The following PDE8B variants were observed in gnomAD, a reference collection of about 807,000 sequenced individuals.
The protein encoded by PDE8B is high affinity cAMP-specific and IBMX-insensitive 3',5'-cyclic phosphodiesterase 8B.
PDE8B carries 26 observed loss-of-function variants against 101.3 expected under a neutral mutation model. The ratio of observed to expected loss-of-function variants is 0.26; its 90% CI spans 0.19 to 0.36. The LOEUF (loss-of-function observed/expected upper bound fraction) is 0.36. Ranked by LOEUF, PDE8B falls within the 10% of genes least tolerant of loss-of-function variation. PDE8B has a pLI of 1.00. For synonymous variants in PDE8B, 424 were observed against 429.3 expected (o/e 0.99, Z 0.15); for missense variants, 810 against 1,163.1 (o/e 0.70, Z 4.42).
intron 10 of PDE8B, among the ~76,000 whole-genome samples, chr5:77,362,169 C>T (rs1783223429): frequency 6.6e-6 from 1 of 152,128 alleles, no homozygotes; most frequent in African/African-American, 2.4e-5. Flanking sequence ...ATGGGCAAGG[C>T]TATGTTCTAA....
At chr5:77,337,184 G>A in intron 5 of PDE8B, 43 bp from the exon 6 acceptor site, 3 of 1,065,680 alleles carry the variant, frequency 2.8e-6, no homozygotes, top group Non-Finnish European at 4.3e-6. Context: ...TCTCTAAGAA[G>A]TAATTATATA....
rs1561350410 is a variant in PDE8B at position 77,211,282 on chromosome 5, G to A, written c.339+18G>A. On this transcript the variant is annotated intron_variant, in intron 1 of 21. Transcript: ENST00000264917. The surrounding 1 kb of genome is among the most constrained non-coding windows in gnomAD (Gnocchi z 4.1). Reference sequence around the variant, plus strand: ...GCGTGAAGGTAAATGCCCCGCGCTGGCACACGCCGTGGGGGCCGTCCGCCC... The same window carrying A: ...GCGTGAAGGTAAATGCCCCGCGCTGACACACGCCGTGGGGGCCGTCCGCCC... 6.5e-7 allele frequency: 1 copy of A among 1,540,270 alleles called. No individual in the cohort carries two copies. Among genetic ancestry groups the A allele is most frequent in the African/African-American group, 1.4e-5 (1 of 72,150 alleles).
chr5:77,351,075 G>A lies in PDE8B; in HGVS notation c.1028G>A (p.Gly343Glu). ...TCIKKGKEWQ[G>E]VYYARRKSGD... ...TCTTTGTCCATGTAGGAGTGGCAGG[G>A]GGTTTACTATGCCAGACGGAAATCC... Residue 343 changes from glycine (G) to glutamate (E), a missense_variant, in exon 9 of 22, where the codon GGG (glycine) becomes GAG (glutamate). Physicochemically the swap from Gly to Glu is moderately conservative, Grantham distance 98. This residue lies in a region of PDE8B where 251 missense variants were observed against 378.8 expected (regional missense o/e 0.66). Transcript: ENST00000264917. The A allele has an allele frequency of 1.2e-6, 2 of 1,613,602 alleles. No homozygotes were observed. Among genetic ancestry groups the A allele is most frequent in the Non-Finnish European group, 1.7e-6 (2 of 1,179,502 alleles).
At chr5:77,093,519 G>A in the PDE8B span, among the ~76,000 whole-genome samples, 2 of 152,108 alleles carry the variant, frequency 1.3e-5, no homozygotes, top group Admixed American at 6.6e-5. Flanking sequence ...GAGCACAGTG[G>A]TTTTGGCACC....
intron 1 of PDE8B, among the ~76,000 whole-genome samples, chr5:77,263,884 C>A (rs1028277529): frequency 6.6e-6 from 1 of 152,150 alleles, no homozygotes; most frequent in Non-Finnish European, 1.5e-5. Context: ...AATTTTAGAA[C>A]ATTCTTACCA....
chr5:77,227,674 A>G (rs142884363), intron 1 of PDE8B, among the ~76,000 whole-genome samples: 79 of 152,312 alleles, frequency 5.2e-4, no homozygotes, highest in Non-Finnish European at 9.0e-4. Context: ...GCCACGCAGA[A>G]TGGAAGACAG....
Position 77,399,782 on chromosome 5 carries a change from T to A in PDE8B, c.1168-466T>A, listed in dbSNP as rs1275969791. ...GAGAAAACATTTTATAAATTGTCTA[T>A]AATTGAGCATTTGAAGAGCTTTGTA... On this transcript the variant is annotated intron_variant, in intron 10 of 21. Coordinates refer to ENST00000264917, the MANE Select transcript of PDE8B (RefSeq NM_003719.5). Among the ~76,000 whole-genome samples the A allele has an allele frequency of 2.0e-5, 3 of 152,262 alleles. No individual in the cohort carries two copies. In the East Asian group the frequency reaches 5.8e-4, roughly 29 times the overall value.
rs70988667 is a variant in PDE8B at position 77,369,203 on chromosome 5, C to CAAA, written c.1167+15817_1167+15819dup. 8.1e-3 allele frequency among the ~76,000 whole-genome samples: 637 copies of CAAA among 78,424 alleles called. 27 individuals carry two copies. The highest frequency in any genetic ancestry group is 0.022 in the African/African-American group (397 of 18,398). The allele number at this position is 78,424 out of a possible 152,430, so 51.4% of individuals were successfully genotyped here. ...ATGCGACAGAGCGAGTCCACTGTCT[C>CAAA]AAAAAAAAAAAAAAAAAAAAAAGAA... On this transcript the variant is annotated intron_variant, in intron 10 of 21. Transcript: ENST00000264917.
At chr5:77,416,338 G>A (rs1795556875) in intron 17 of PDE8B, among the ~76,000 whole-genome samples, 1 of 152,198 alleles carries the variant, frequency 6.6e-6, no homozygotes. Context: ...ATACCACAGT[G>A]GCACTAGCTG....
At chr5:77,295,656 G>A (rs923366955) in intron 1 of PDE8B, among the ~76,000 whole-genome samples, 1 of 152,208 alleles carries the variant, frequency 6.6e-6, no homozygotes, top group Non-Finnish European at 1.5e-5. Flanking sequence ...ACAAGGGGAA[G>A]TCATTTGTTT....
At chr5:77,096,019 C>T in the PDE8B span, among the ~76,000 whole-genome samples, 11 of 152,030 alleles carry the variant, frequency 7.2e-5, no homozygotes, top group Admixed American at 2.6e-4. Context: ...GAGATGGAGT[C>T]TCACTGTGTT....
chr5:77,139,445 T>A, the PDE8B span: 1 of 152,260 alleles, frequency 6.6e-6, no homozygotes, highest in Admixed American at 6.5e-5. Flanking sequence ...GATGGTTTGT[T>A]ATACAGCAGT....
chr5:77,379,773 C>G (rs1006002984), intron 10 of PDE8B, among the ~76,000 whole-genome samples: 2 of 152,118 alleles, frequency 1.3e-5, no homozygotes, highest in African/African-American at 4.8e-5. Context: ...GCATCAGATC[C>G]TTTTAATTTC....
chr5:77,199,834 G>A, the PDE8B span, among the ~76,000 whole-genome samples: 4 of 152,108 alleles, frequency 2.6e-5, no homozygotes, highest in African/African-American at 4.8e-5. Context: ...AGCTACCTCC[G>A]AAGTGGCAGC....
the PDE8B span, chr5:77,147,867 A>T: frequency 3.3e-5 from 5 of 152,226 alleles, no homozygotes; most frequent in Non-Finnish European, 7.3e-5. Flanking sequence ...GGAAATGAAG[A>T]TCAGAAAAAG....
intron 20 of PDE8B, among the ~76,000 whole-genome samples, chr5:77,422,901 T>C (rs575106567): frequency 1.4e-4 from 21 of 152,320 alleles, no homozygotes; most frequent in Admixed American, 1.0e-3. Flanking sequence ...TGGGGGTACA[T>C]GTGCAGGTTT....
At chr5:77,319,602 C>T (rs2150183885) in intron 2 of PDE8B, among the ~76,000 whole-genome samples, 1 of 152,352 alleles carries the variant, frequency 6.6e-6, no homozygotes, top group East Asian at 1.9e-4. Context: ...AATGCCGACA[C>T]TGCTGTCTTT....
At position 77,413,189 on chromosome 5, in the gene PDE8B, TCG is replaced by T; in HGVS notation, c.1792_1793del (p.Arg598GlyfsTer47). 6.2e-7 allele frequency: 1 copy of T among 1,613,890 alleles called. No homozygotes were observed. Among genetic ancestry groups the T allele is most frequent in the Non-Finnish European group, 8.5e-7 (1 of 1,179,822 alleles). On this transcript the variant is annotated frameshift_variant, in exon 17 of 22. Coordinates refer to ENST00000264917, the MANE Select transcript of PDE8B (RefSeq NM_003719.5). LOFTEE classifies it high-confidence loss of function. The part of the protein sequence containing the change: ...EFLNCSETTL[R>X]AWFQVIEANY... Reference sequence around the variant, plus strand: ...TTTTAAACTGTTCTGAAACCACTCTTCGGGCCTGGTTCCAAGTGATCGAAGCC... The same window carrying T: ...TTTTAAACTGTTCTGAAACCACTCTTGGCCTGGTTCCAAGTGATCGAAGCC...
chr5:77,263,356 G>A (rs1043400910), intron 1 of PDE8B, among the ~76,000 whole-genome samples: 2 of 152,204 alleles, frequency 1.3e-5, no homozygotes, highest in African/African-American at 2.4e-5. Flanking sequence ...TCAGAATGCA[G>A]TTAAGTAAAT....
Sources: gnomAD v4.1 joint callset for allele counts (sites outside exome capture counted in the v4.1 genomes callset) on GRCh38, gnomAD v4.1.1 for gene constraint, gnomAD v4.1.1 regional missense constraint, Gnocchi (gnomAD v3.1) non-coding constraint, MANE v1.5 for transcripts, NCBI Gene and HGNC (gene_info 2026-07-23, HGNC 2026-07-21) for gene names.